CCNJ: variants seen among roughly 807,000 people sequenced by gnomAD.
CCNJ encodes the protein cyclin J.
In CCNJ, 12 loss-of-function variants were observed where a neutral mutation model predicts 41.4. The observed-to-expected ratio is 0.29, with a 90% CI of 0.19 to 0.47. The LOEUF (loss-of-function observed/expected upper bound fraction) is 0.47. CCNJ is among the 20% of genes least tolerant of loss of function. The pLI is 1.00. For synonymous variants in CCNJ, 161 were observed against 173.4 expected, an observed-to-expected ratio of 0.93 and a Z score of 0.56; for missense variants, 340 against 464.6, an observed-to-expected ratio of 0.73 and a Z score of 2.47.
Position 96,044,365 on chromosome 10 carries a change from G to C in CCNJ, c.-29G>C. ...GTGTGTCTTACAGACTCGAGTTGCCGCGTCGGGCTGGGCGCGCCGCCGGGT... is the reference window on the plus strand; with the variant it reads ...GTGTGTCTTACAGACTCGAGTTGCCCCGTCGGGCTGGGCGCGCCGCCGGGT... On this transcript the variant is annotated 5_prime_UTR_variant, in exon 2 of 6. Transcript: ENST00000465148. The C allele has an allele frequency of 6.7e-7, 1 of 1,501,896 alleles. No homozygotes were observed. The highest frequency in any genetic ancestry group is 1.3e-5 in the South Asian group (1 of 76,846). 93.0% of individuals were successfully genotyped at this position (1,501,896 alleles called of 1,614,324 possible). A position where few individuals can be genotyped will look rare whatever the true frequency, so the allele number is the denominator to read the frequency against.
chr10:96,051,410 T>C (rs1255483075), intron 3 of CCNJ, among the ~76,000 whole-genome samples: 1 of 152,232 alleles, frequency 6.6e-6, no homozygotes, highest in African/African-American at 2.4e-5. Context: ...ATTCATGTTA[T>C]TACAATGAAA....
upstream of CCNJ, chr10:96,043,529 G>A (rs991482377): frequency 4.1e-5 from 16 of 393,610 alleles, no homozygotes; most frequent in Non-Finnish European, 5.8e-5. Context: ...GCAGCGGCGG[G>A]GCCTCAAGTG....
At chr10:96,055,620 T>C (rs1444991579) in intron 3 of CCNJ, among the ~76,000 whole-genome samples, 1 of 152,208 alleles carries the variant, frequency 6.6e-6, no homozygotes, top group Non-Finnish European at 1.5e-5. Flanking sequence ...TATAGAAACA[T>C]TCTGGGGCTG....
chr10:96,054,722 C>G (rs937938828), intron 3 of CCNJ, among the ~76,000 whole-genome samples: 12 of 152,286 alleles, frequency 7.9e-5, no homozygotes, highest in Non-Finnish European at 1.3e-4. Context: ...AACCTCGCTA[C>G]CTTGGTTTTT....
chr10:96,050,654 C>A (rs1481807885), intron 3 of CCNJ, among the ~76,000 whole-genome samples, 188 bp downstream of exon 3: 1 of 152,162 alleles, frequency 6.6e-6, no homozygotes, highest in African/African-American at 2.4e-5. Flanking sequence ...GGCTTTGGAG[C>A]CTGTTAAAAA....
rs74536258 is a variant in CCNJ at position 96,050,854 on chromosome 10, T to C, written c.280+388T>C. On this transcript the variant is annotated intron_variant, in intron 3 of 5. Transcript: ENST00000465148. ...AGCAGTTTTGTCCCACAGGGAACAC[T>C]TGGCAACGTGTACAGACGTTTTGGT... Among the ~76,000 whole-genome samples the C allele has an allele frequency of 2.1e-3, 315 of 152,340 alleles. 2 individuals carry two copies. The highest frequency in any genetic ancestry group is 3.6e-3 in the Non-Finnish European group (243 of 68,018).
intron 3 of CCNJ, among the ~76,000 whole-genome samples, chr10:96,055,483 T>C (rs182801529): frequency 2.0e-5 from 3 of 152,322 alleles, no homozygotes; most frequent in Admixed American, 1.3e-4. Context: ...AAAATCATAG[T>C]AGTACTTAAT....
chr10:96,048,324 G>A (rs1452785148), intron 2 of CCNJ, among the ~76,000 whole-genome samples: 1 of 152,042 alleles, frequency 6.6e-6, no homozygotes, highest in African/African-American at 2.4e-5. Flanking sequence ...TAGGTAAAAG[G>A]GTATTTCTGC....
At chr10:96,043,334 T>C, upstream of CCNJ, 1 of 325,126 alleles carries the variant, frequency 3.1e-6, no homozygotes, top group Non-Finnish European at 5.6e-6. Context: ...GGCTTCGCAG[T>C]AGGTGGCGGC....
At chr10:96,046,554 G>A (rs531659820) in intron 2 of CCNJ, among the ~76,000 whole-genome samples, 7 of 152,286 alleles carry the variant, frequency 4.6e-5, no homozygotes, top group East Asian at 1.9e-4. Flanking sequence ...AACAGTGAAC[G>A]AGACATGATC....
At chr10:96,047,347 GA>G (rs938150396) in intron 2 of CCNJ, among the ~76,000 whole-genome samples, 90 of 151,216 alleles carry the variant, frequency 6.0e-4, no homozygotes, top group African/African-American at 2.1e-3. Context: ...CCTTTATGTG[GA>G]AAAAAAAAAT....
At chr10:96,048,954 A>G (rs1365730512) in intron 2 of CCNJ, among the ~76,000 whole-genome samples, 1 of 152,174 alleles carries the variant, frequency 6.6e-6, no homozygotes, top group Non-Finnish European at 1.5e-5. Context: ...GAATTGCTGG[A>G]TCATGTGGTA....
chr10:96,056,264 A>C (rs1029717343), intron 3 of CCNJ, among the ~76,000 whole-genome samples: 6 of 151,686 alleles, frequency 4.0e-5, no homozygotes, highest in African/African-American at 7.3e-5. Flanking sequence ...AGCCGAGATC[A>C]CGCCACTGCA....
chr10:96,055,816 G>C (rs536650490), intron 3 of CCNJ, among the ~76,000 whole-genome samples: 1 of 152,076 alleles, frequency 6.6e-6, no homozygotes, highest in South Asian at 2.1e-4. Context: ...TTCTTTAACA[G>C]ACTAGATTTT....
At chr10:96,052,352 C>T (rs909741115) in intron 3 of CCNJ, among the ~76,000 whole-genome samples, 1 of 152,146 alleles carries the variant, frequency 6.6e-6, no homozygotes, top group Non-Finnish European at 1.5e-5. Context: ...AATCAGTTTA[C>T]AGTAGAGTGT....
In CCNJ at chr10:96,058,152, G is replaced by T; in HGVS notation, c.1063G>T (p.Glu355Ter). 6.2e-7 allele frequency: 1 copy of T among 1,614,108 alleles called. No homozygotes were observed. The highest frequency in any genetic ancestry group is 8.5e-7 in the Non-Finnish European group (1 of 1,179,926). Residue 355 changes from glutamate to a stop codon, truncating the protein, a stop_gained, in exon 6 of 6, where the codon GAA becomes TAA. Transcript: ENST00000465148. LOFTEE classifies it high-confidence loss of function. ...GVGMSLAIPV[E>*]VKPCLSVSYN... ...TGGGATGTCACTGGCAATACCAGTA[G>T]AAGTTAAGCCCTGTCTGAGTGTTTC...
intron 5 of CCNJ, 130 bp from the exon 6 acceptor site, chr10:96,057,700 T>C: frequency 1.3e-6 from 1 of 747,666 alleles, no homozygotes; most frequent in South Asian, 1.9e-5. Flanking sequence ...TTGTTGGAAT[T>C]ATGGTGCAGT....
rs2080765001 is a variant in CCNJ at position 96,059,026 on chromosome 10, C to T, written c.*785C>T. ...TGCCTTGGGAATGTTATAGTGTGAA[C>T]TACCTTTATAACATAGGTTAAAATA... On this transcript the variant is annotated 3_prime_UTR_variant, in exon 6 of 6. Coordinates refer to ENST00000465148, the MANE Select transcript of CCNJ (RefSeq NM_001134375.2). 1 of 152,642 alleles carries T rather than the reference C, an allele frequency of 6.6e-6. No homozygotes were observed. The highest frequency in any genetic ancestry group is 1.5e-5 in the Non-Finnish European group (1 of 68,074). 9.5% of individuals were successfully genotyped at this position (152,642 alleles called of 1,614,324 possible).
At position 96,059,993 on chromosome 10, in the gene CCNJ, CA is replaced by C. The variant is rs1420945761; in HGVS notation, c.*1753del. The C allele has an allele frequency of 6.6e-6, 1 of 152,630 alleles. No individual in the cohort carries two copies. Among genetic ancestry groups the C allele is most frequent in the Non-Finnish European group, 1.5e-5 (1 of 68,040 alleles). 9.5% of individuals were successfully genotyped at this position (152,630 alleles called of 1,614,324 possible). A position where few individuals can be genotyped will look rare whatever the true frequency, so the allele number is the denominator to read the frequency against. On this transcript the variant is annotated 3_prime_UTR_variant, in exon 6 of 6. Transcript: ENST00000465148. Reference sequence around the variant, plus strand: ...CTGGTAGATAAAATGAAAAACCACTCAGGTAAGAACACTCACTCATGGCAGT... The same window carrying C: ...CTGGTAGATAAAATGAAAAACCACTCGGTAAGAACACTCACTCATGGCAGT...
Sources: allele counts gnomAD v4.1 joint callset (sites outside exome capture counted in the v4.1 genomes callset), GRCh38; gene constraint gnomAD v4.1.1; transcripts MANE v1.5; gene names NCBI Gene and HGNC (gene_info 2026-07-23, HGNC 2026-07-21).